CACNA1C: variants seen among roughly 807,000 people sequenced by gnomAD.
CACNA1C encodes calcium voltage-gated channel subunit alpha1 C, also known as voltage-dependent L-type calcium channel subunit alpha-1C.
Under a neutral mutation model 229.0 loss-of-function variants are expected in CACNA1C, and 30 were observed. The observed-to-expected ratio is 0.13, with a 90% CI of 0.10 to 0.18. The LOEUF (loss-of-function observed/expected upper bound fraction) is 0.18, where lower values mean the gene tolerates loss of function less well. CACNA1C is among the 10% of genes least tolerant of loss of function. The pLI is 1.00. For synonymous variants in CACNA1C, 1,114 were observed against 1,132.5 expected (o/e 0.98, Z 0.33); for missense variants, 1,658 against 2,845.0 (o/e 0.58, Z 9.49).
At position 2,549,962 on chromosome 12, in the gene CACNA1C, G is replaced by A; in HGVS notation, c.1410G>A (p.Glu470=). 1 of 1,605,290 alleles carries A rather than the reference G, an allele frequency of 6.2e-7. No individual in the cohort carries two copies. The highest frequency in any genetic ancestry group is 8.5e-7 in the Non-Finnish European group (1 of 1,175,926). Residue 470 remains glutamate, a synonymous_variant, in exon 10 of 47, where the codon GAG becomes GAA. Coordinates refer to ENST00000399655, the MANE Select transcript of CACNA1C (RefSeq NM_000719.7). ...KPRNMSMPTS[E]TESVNTENVA... Reference sequence around the variant, plus strand: ...TTGCAGTGAGCATGCCCACCAGTGAGACCGAGTCCGTCAACACCGAAAACG... The same window carrying A: ...TTGCAGTGAGCATGCCCACCAGTGAAACCGAGTCCGTCAACACCGAAAACG...
At chr12:2,556,926 G>C in intron 10 of CACNA1C, 25 bp from the exon 11 acceptor site, 1 of 1,606,364 alleles carries the variant, frequency 6.2e-7, no homozygotes, top group Non-Finnish European at 8.5e-7. Flanking sequence ...CCATCCTTTG[G>C]TAACATTTCC....
In CACNA1C at chr12:2,230,571, C is replaced by T. The variant is rs1285110262; in HGVS notation, c.477+110141C>T. On this transcript the variant is annotated intron_variant, in intron 3 of 46. Coordinates refer to ENST00000399655, the MANE Select transcript of CACNA1C (RefSeq NM_000719.7). ...ACACAGCACCCATCGTGACCCTCGA[C>T]GGCCTCAGTAGCTGGCCGTCCCCGC... Among the ~76,000 whole-genome samples the T allele has an allele frequency of 2.0e-5, 3 of 152,326 alleles. No homozygotes were observed. In the East Asian group the frequency reaches 5.8e-4, roughly 29 times the overall value.
chr12:1,984,998 T>C (rs112805969), intron 1 of CACNA1C, among the ~76,000 whole-genome samples: 4,112 of 151,752 alleles, frequency 0.027, 93 homozygotes, highest in Middle Eastern at 0.054. Flanking sequence ...TTATCCTAGA[T>C]GTAACACAAT....
At chr12:2,487,433 A>C (rs1057509173) in intron 6 of CACNA1C, among the ~76,000 whole-genome samples, 2 of 147,846 alleles carry the variant, frequency 1.4e-5, no homozygotes, top group Non-Finnish European at 3.0e-5. Flanking sequence ...AATACTTTCT[A>C]TGTATGATCT....
intron 3 of CACNA1C, among the ~76,000 whole-genome samples, chr12:2,330,699 G>A (rs1028787588): frequency 1.3e-5 from 2 of 152,166 alleles, no homozygotes; most frequent in Non-Finnish European, 2.9e-5. Flanking sequence ...GATACAAAAA[G>A]CAATTTCTAA....
intron 3 of CACNA1C, among the ~76,000 whole-genome samples, chr12:2,250,074 C>T (rs540760965): frequency 2.0e-5 from 3 of 152,198 alleles, no homozygotes; most frequent in Non-Finnish European, 4.4e-5. Flanking sequence ...TCCCAGAGTG[C>T]TGGGATTACA....
chr12:2,337,791 C>T (rs1164084720), intron 3 of CACNA1C, among the ~76,000 whole-genome samples: 2 of 152,208 alleles, frequency 1.3e-5, no homozygotes, highest in East Asian at 1.9e-4. Flanking sequence ...CTCCAGGACC[C>T]ACCACTGGGG....
In CACNA1C at chr12:2,567,719, A is replaced by C. The variant is rs1434410609; in HGVS notation, c.1820A>C (p.Glu607Ala). 1 of 1,613,484 alleles carries C rather than the reference A, an allele frequency of 6.2e-7. No homozygotes were observed. Among genetic ancestry groups the C allele is most frequent in the Non-Finnish European group, 8.5e-7 (1 of 1,179,552 alleles). The stretch of plus-strand genomic sequence containing the variant: ...GGCATCCTGGAGACCATCCTGGTGG[A>C]GACCAAGATCATGTCCCCACTGGGC... The part of the protein sequence containing the change: ...CGGILETILV[E>A]TKIMSPLGIS... Residue 607 changes from glutamate (E) to alanine (A), a missense_variant, in exon 13 of 47, where the codon GAG (glutamate) becomes GCG (alanine). Physicochemically the swap from Glu to Ala is moderately radical, Grantham distance 107. This residue lies in a region of CACNA1C where 30 missense variants were observed against 96.6 expected (regional missense o/e 0.31). Coordinates refer to ENST00000399655, the MANE Select transcript of CACNA1C (RefSeq NM_000719.7).
chr12:2,101,518 C>T (rs113263048), intron 1 of CACNA1C, among the ~76,000 whole-genome samples: 25 of 152,298 alleles, frequency 1.6e-4, no homozygotes, highest in African/African-American at 4.6e-4. Context: ...ATGCACGCTC[C>T]GCCTCCCTGA....
At chr12:2,312,889 C>G (rs993127632) in intron 3 of CACNA1C, among the ~76,000 whole-genome samples, 3 of 152,124 alleles carry the variant, frequency 2.0e-5, no homozygotes, top group African/African-American at 7.2e-5. Flanking sequence ...TTAACTTAAA[C>G]TCAGAAATTT....
chr12:2,286,881 A>G (rs937983117), intron 3 of CACNA1C, among the ~76,000 whole-genome samples: 1 of 152,228 alleles, frequency 6.6e-6, no homozygotes, highest in Non-Finnish European at 1.5e-5. Context: ...CAGGACTGAA[A>G]TTGGTAGTGG....
intron 1 of CACNA1C, among the ~76,000 whole-genome samples, chr12:2,068,075 G>A (rs974476765): frequency 6.6e-6 from 1 of 152,178 alleles, no homozygotes; most frequent in Non-Finnish European, 1.5e-5. Context: ...CCACTGGAAA[G>A]CCTCTGGTTG....
At chr12:2,314,810 T>C (rs1246564004) in intron 3 of CACNA1C, among the ~76,000 whole-genome samples, 3 of 152,224 alleles carry the variant, frequency 2.0e-5, no homozygotes, top group Non-Finnish European at 4.4e-5. Context: ...AACATATGCA[T>C]GTACTTTAAT....
intron 1 of CACNA1C, among the ~76,000 whole-genome samples, chr12:2,028,737 G>A (rs2047735737): frequency 6.6e-6 from 1 of 152,008 alleles, no homozygotes; most frequent in African/African-American, 2.4e-5. Context: ...TATGATGCAG[G>A]GAACCTTGTA....
intron 3 of CACNA1C, among the ~76,000 whole-genome samples, chr12:2,245,656 A>C (rs2072836791): frequency 6.6e-6 from 1 of 152,152 alleles, no homozygotes; most frequent in South Asian, 2.1e-4. Flanking sequence ...TGAAATCCCC[A>C]AGTCTCTGAA....
intron 3 of CACNA1C, among the ~76,000 whole-genome samples, chr12:2,350,753 A>G (rs1045821858): frequency 2.0e-5 from 3 of 152,140 alleles, no homozygotes; most frequent in African/African-American, 7.2e-5. Context: ...CCCCTGGACA[A>G]TTGCTGAGCT....
chr12:2,289,952 G>A (rs1424499949), intron 3 of CACNA1C, among the ~76,000 whole-genome samples: 6 of 152,228 alleles, frequency 3.9e-5, no homozygotes, highest in Non-Finnish European at 7.3e-5. Context: ...ACATGCAGAT[G>A]CTGAAGGAGA....
intron 1 of CACNA1C, among the ~76,000 whole-genome samples, chr12:2,032,219 A>C (rs544635933): frequency 1.4e-4 from 22 of 152,032 alleles, no homozygotes; most frequent in African/African-American, 4.8e-4. Flanking sequence ...TCTCTGCTTG[A>C]GTTCCTTCCC....
intron 3 of CACNA1C, among the ~76,000 whole-genome samples, chr12:2,383,053 A>G (rs1486935394): frequency 6.6e-6 from 1 of 152,160 alleles, no homozygotes; most frequent in African/African-American, 2.4e-5. Flanking sequence ...GTAATCCTGG[A>G]TTCAAGTCCC....
Sources: gnomAD v4.1 joint callset for allele counts (sites outside exome capture counted in the v4.1 genomes callset) on GRCh38, gnomAD v4.1.1 for gene constraint, gnomAD v4.1.1 regional missense constraint, MANE v1.5 for transcripts, NCBI Gene and HGNC (gene_info 2026-07-23, HGNC 2026-07-21) for gene names.